DNAH9: variants seen among roughly 807,000 people sequenced by gnomAD.
DNAH9 encodes DNAH9 variant protein.
Under a neutral mutation model 471.6 loss-of-function variants are expected in DNAH9, and 345 were observed. The ratio of observed to expected loss-of-function variants is 0.73; its 90% CI spans 0.67 to 0.80. The LOEUF (loss-of-function observed/expected upper bound fraction) is 0.80. Ranked by LOEUF, DNAH9 falls within the 30% of genes least tolerant of loss-of-function variation. The pLI is 0.00. For missense variants in DNAH9, 5,407 were observed against 5,609.2 expected, an observed-to-expected ratio of 0.96 and a Z score of 1.15; for synonymous variants, 2,093 against 2,123.6, an observed-to-expected ratio of 0.99 and a Z score of 0.40.
chr17:11,879,663 T>C (rs1972637108), intron 53 of DNAH9, among the ~76,000 whole-genome samples: 1 of 151,872 alleles, frequency 6.6e-6, no homozygotes, highest in Non-Finnish European at 1.5e-5. Flanking sequence ...TAATACCCAG[T>C]CATTTAAAAT....
intron 41 of DNAH9, among the ~76,000 whole-genome samples, chr17:11,788,130 G>C (rs776141150): frequency 1.3e-5 from 2 of 152,088 alleles, no homozygotes; most frequent in Non-Finnish European, 2.9e-5. Flanking sequence ...CTGACTATTT[G>C]GCTATAACAA....
At chr17:11,625,847 A>C (rs1286853937) in intron 6 of DNAH9, among the ~76,000 whole-genome samples, 1 of 152,198 alleles carries the variant, frequency 6.6e-6, no homozygotes, top group Non-Finnish European at 1.5e-5. Flanking sequence ...ACCCCATTAC[A>C]CATATAATAT....
At chr17:11,823,215 T>A (rs1228718161) in intron 48 of DNAH9, among the ~76,000 whole-genome samples, 181 bp downstream of exon 48, 2 of 152,164 alleles carry the variant, frequency 1.3e-5, no homozygotes, top group Admixed American at 1.3e-4. Flanking sequence ...TGGCTTTTTT[T>A]CTCTACATTG....
rs139882783 is a variant in DNAH9 at position 11,729,932 on chromosome 17, C to T, written c.5814+2010C>T. On this transcript the variant is annotated intron_variant, in intron 28 of 68. Transcript: ENST00000262442. ...CCATGCCACCTTCATCTCCAGCTGCCCTGAAAGCCACAGGCAGTCAAGACA... is the reference window on the plus strand; with the variant it reads ...CCATGCCACCTTCATCTCCAGCTGCTCTGAAAGCCACAGGCAGTCAAGACA... 8.7e-3 allele frequency among the ~76,000 whole-genome samples: 1,322 copies of T among 152,314 alleles called. 58 individuals are homozygous for T. The highest frequency in any genetic ancestry group is 0.078 in the Admixed American group (1,201 of 15,300).
intron 59 of DNAH9, among the ~76,000 whole-genome samples, 169 bp downstream of exon 59, chr17:11,894,665 G>A (rs1307898459): frequency 6.6e-6 from 1 of 152,150 alleles, no homozygotes. Context: ...CATCTTTCCT[G>A]GGCCTGCAGA....
At chr17:11,915,243 C>G (rs1368477018) in intron 61 of DNAH9, among the ~76,000 whole-genome samples, 1 of 152,088 alleles carries the variant, frequency 6.6e-6, no homozygotes, top group Non-Finnish European at 1.5e-5. Flanking sequence ...AGTGACTTCC[C>G]AGCTGGGTGC....
rs1176331024 is a variant in DNAH9, at chr17:11,757,591, G to T, written c.6894G>T (p.Val2298=). 2 of 1,613,606 alleles carry T rather than the reference G, an allele frequency of 1.2e-6. No homozygotes were observed. The highest frequency in any genetic ancestry group is 1.7e-6 in the Non-Finnish European group (2 of 1,179,504). Residue 2298 remains valine (V), a synonymous_variant, in exon 35 of 69, where the codon GTG becomes GTT. Coordinates refer to ENST00000262442, the MANE Select transcript of DNAH9 (RefSeq NM_001372.4). ...NPADLGWNPP[V]SSWIEKREIQ... ...CAGACTTGGGATGGAACCCTCCAGTGAGCAGCTGGATTGAGAAGAGGGAAA... is the reference window on the plus strand; with the variant it reads ...CAGACTTGGGATGGAACCCTCCAGTTAGCAGCTGGATTGAGAAGAGGGAAA...
chr17:11,920,028 G>GTTCT (rs200817056), intron 61 of DNAH9, among the ~76,000 whole-genome samples: 2 of 129,778 alleles, frequency 1.5e-5, no homozygotes. Flanking sequence ...ATGGAGCTAA[G>GTTCT]TTCTTTCTTT....
intron 12 of DNAH9, 36 bp from the exon 13 acceptor site, chr17:11,651,033 T>G: frequency 1.2e-6 from 2 of 1,601,334 alleles, no homozygotes; most frequent in Non-Finnish European, 1.7e-6. Context: ...TCATTATCAC[T>G]GAACGACAGA....
At chr17:11,670,756 T>C (rs1332629146) in intron 17 of DNAH9, among the ~76,000 whole-genome samples, 1 of 150,936 alleles carries the variant, frequency 6.6e-6, no homozygotes, top group East Asian at 2.0e-4. Flanking sequence ...TAGGCTGGAG[T>C]GCAATGGCAC....
At chr17:11,904,345 A>G (rs931770582) in intron 60 of DNAH9, among the ~76,000 whole-genome samples, 3 of 152,016 alleles carry the variant, frequency 2.0e-5, no homozygotes, top group Non-Finnish European at 4.4e-5. Flanking sequence ...AAGAGTGGGG[A>G]GGGGGCCAGG....
chr17:11,843,471 C>A (rs1235230587), intron 49 of DNAH9, among the ~76,000 whole-genome samples: 1 of 151,966 alleles, frequency 6.6e-6, no homozygotes, highest in Non-Finnish European at 1.5e-5. Flanking sequence ...TATGAATAAA[C>A]ATATATACTT....
At chr17:11,809,247 T>A (rs1597676631) in intron 44 of DNAH9, among the ~76,000 whole-genome samples, 1 of 152,126 alleles carries the variant, frequency 6.6e-6, no homozygotes, top group Non-Finnish European at 1.5e-5. Flanking sequence ...TTTTTCAACA[T>A]AAGTGTTTTG....
At chr17:11,966,596 A>AT (rs1976745965) in intron 68 of DNAH9, among the ~76,000 whole-genome samples, 1 of 152,262 alleles carries the variant, frequency 6.6e-6, no homozygotes, top group Non-Finnish European at 1.5e-5. Flanking sequence ...ATCATTTGTA[A>AT]TTTTTATTTC....
chr17:11,894,497 G>T lies in DNAH9; in HGVS notation c.11406+1G>T, dbSNP rs536602504. 6 of 1,613,986 alleles carry T rather than the reference G, an allele frequency of 3.7e-6. No homozygotes were observed. The African/African-American group carries it at 5.3e-5, about 14-fold the overall frequency. ...CCATCAGGCGTGGGGAGCTGTCAAG[G>T]TCAGTATTGACCCCTAGAAAAAAGC... On this transcript the variant is annotated splice_donor_variant, in intron 59 of 68. Transcript: ENST00000262442. LOFTEE classifies it high-confidence loss of function.
At chr17:11,922,492 G>A (rs1974169185) in intron 61 of DNAH9, among the ~76,000 whole-genome samples, 1 of 151,996 alleles carries the variant, frequency 6.6e-6, no homozygotes, top group African/African-American at 2.4e-5. Flanking sequence ...CTATATTAGG[G>A]TCATTTCTTT....
intron 19 of DNAH9, among the ~76,000 whole-genome samples, chr17:11,688,428 G>T (rs888590075): frequency 2.0e-5 from 3 of 152,168 alleles, no homozygotes; most frequent in African/African-American, 7.2e-5. Flanking sequence ...TGAAGATGAG[G>T]AGCCAGATTC....
intron 1 of DNAH9, among the ~76,000 whole-genome samples, chr17:11,600,495 AAT>A (rs2072362349): frequency 6.6e-6 from 1 of 152,212 alleles, no homozygotes; most frequent in Non-Finnish European, 1.5e-5. Context: ...ATAATTTTAA[AAT>A]AATGAAAATT....
At position 11,793,670 on chromosome 17, in the gene DNAH9, T is replaced by G. The variant is rs774417075; in HGVS notation, c.8223+6T>G. On this transcript the variant is annotated splice_donor_region_variant and intron_variant, in intron 42 of 68. Coordinates refer to ENST00000262442, the MANE Select transcript of DNAH9 (RefSeq NM_001372.4). ...TGCTCAAGAAAACTTTTGATGTGAGTATTGCCCTATGGATTTTCTTTGTAT... is the reference window on the plus strand; with the variant it reads ...TGCTCAAGAAAACTTTTGATGTGAGGATTGCCCTATGGATTTTCTTTGTAT... The G allele has an allele frequency of 1.3e-6, 2 of 1,590,352 alleles. No individual in the cohort carries two copies. Among genetic ancestry groups the G allele is most frequent in the Non-Finnish European group, 8.5e-7 (1 of 1,169,800 alleles).
Sources: gnomAD v4.1 joint callset for allele counts (sites outside exome capture counted in the v4.1 genomes callset) on GRCh38, gnomAD v4.1.1 for gene constraint, MANE v1.5 for transcripts, NCBI Gene and HGNC (gene_info 2026-07-23, HGNC 2026-07-21) for gene names.